KIAA2012: variants seen among roughly 807,000 people sequenced by gnomAD.
KIAA2012 encodes the protein KIAA2012.
In KIAA2012, 125 loss-of-function variants were observed where a neutral mutation model predicts 150.6. The observed-to-expected ratio is 0.83, with a 90% CI of 0.72 to 0.96. The LOEUF is 0.96. Among genes scored for constraint, KIAA2012 ranks in the 40% least tolerant of loss-of-function variants. KIAA2012 has a pLI of 0.00. For synonymous variants in KIAA2012, 462 were observed against 504.7 expected, an observed-to-expected ratio of 0.92 and a Z score of 1.13; for missense variants, 1,219 against 1,354.9, an observed-to-expected ratio of 0.90 and a Z score of 1.57.
chr2:202,168,894 A>G (rs752371360), intron 15 of KIAA2012, among the ~76,000 whole-genome samples: 3 of 152,198 alleles, frequency 2.0e-5, no homozygotes, highest in Non-Finnish European at 4.4e-5. Context: ...AGCCATTTCC[A>G]TCATTTCTGT....
chr2:202,202,832 A>G (rs1692555834), intron 23 of KIAA2012, among the ~76,000 whole-genome samples: 1 of 151,934 alleles, frequency 6.6e-6, no homozygotes, highest in Admixed American at 6.6e-5. Flanking sequence ...CAGGAGGCTG[A>G]AGGAGGATCA....
chr2:202,152,482 C>T (rs757003259), intron 13 of KIAA2012, among the ~76,000 whole-genome samples: 1 of 152,204 alleles, frequency 6.6e-6, no homozygotes, highest in Non-Finnish European at 1.5e-5. Context: ...GTTCTCCCAT[C>T]TAACACAAAA....
intron 12 of KIAA2012, among the ~76,000 whole-genome samples, chr2:202,127,092 T>C (rs1228652118): frequency 4.8e-5 from 7 of 144,484 alleles, no homozygotes; most frequent in South Asian, 2.3e-4. Flanking sequence ...AGAGATATCA[T>C]AGGGAGAAGA....
chr2:202,129,212 AG>A (rs1352434626), intron 12 of KIAA2012, among the ~76,000 whole-genome samples: 1 of 146,698 alleles, frequency 6.8e-6, no homozygotes, highest in East Asian at 2.1e-4. Flanking sequence ...CACCTATAGA[AG>A]TTTCACAATT....
At chr2:202,115,957 T>C (rs887924994) in intron 11 of KIAA2012, 1 of 152,006 alleles carries the variant, frequency 6.6e-6, no homozygotes, top group Non-Finnish European at 1.5e-5. Context: ...ATTTGACCCT[T>C]TTGGTCATGT....
chr2:202,134,803 C>T (rs1691027960), intron 12 of KIAA2012, among the ~76,000 whole-genome samples: 1 of 152,256 alleles, frequency 6.6e-6, no homozygotes, highest in African/African-American at 2.4e-5. Context: ...GATCCGCCCG[C>T]CTTGGCCTCC....
At chr2:202,120,820 CATA>C (rs1690637461) in intron 11 of KIAA2012, among the ~76,000 whole-genome samples, 1 of 152,176 alleles carries the variant, frequency 6.6e-6, no homozygotes, top group South Asian at 2.1e-4. Context: ...GAGTATTTCT[CATA>C]ATATTTACTG....
Position 202,073,418 on chromosome 2 carries a change from T to C in KIAA2012, c.-210T>C. ...GGAGGCTGGCTGTGCGGTTTATTTTTTCTCTCCACAAAGACACACACTGTC... is the reference window on the plus strand; with the variant it reads ...GGAGGCTGGCTGTGCGGTTTATTTTCTCTCTCCACAAAGACACACACTGTC... On this transcript the variant is annotated 5_prime_UTR_variant, in exon 1 of 24. Coordinates refer to ENST00000498697, the MANE Select transcript of KIAA2012 (RefSeq NM_001277372.4). 1 of 494,312 alleles carries C rather than the reference T, an allele frequency of 2.0e-6. No individual in the cohort carries two copies. The highest frequency in any genetic ancestry group is 3.6e-6 in the Non-Finnish European group (1 of 276,436). The allele number at this position is 494,312 out of a possible 1,614,324, so 30.6% of individuals were successfully genotyped here.
At chr2:202,086,208 A>G (rs532447516) in intron 2 of KIAA2012, among the ~76,000 whole-genome samples, 103 of 151,734 alleles carry the variant, frequency 6.8e-4, no homozygotes, top group African/African-American at 2.4e-3. Flanking sequence ...AAGAAAAAGA[A>G]ATGCCCACTA....
chr2:202,111,340 CAA>C (rs67625607), intron 10 of KIAA2012, among the ~76,000 whole-genome samples: 16 of 83,820 alleles, frequency 1.9e-4, no homozygotes, highest in South Asian at 4.0e-4. Flanking sequence ...ACTAAAAATA[CAA>C]AAAAAAAAAA....
rs1375997476 is a variant in KIAA2012, at chr2:202,162,924, G to A, written c.2047-2360G>A. On this transcript the variant is annotated intron_variant, in intron 14 of 23. Transcript: ENST00000498697. ...CAGCCTGGCAACAGAGCGAGACTCC[G>A]TCTCAAAAAAAAAAAAAAAAAAAGA... Among the ~76,000 whole-genome samples the A allele has an allele frequency of 6.7e-3, 632 of 94,310 alleles. 3 individuals are homozygous for A. Among genetic ancestry groups the A allele is most frequent in the African/African-American group, 0.028 (594 of 21,100 alleles). The allele number at this position is 94,310 out of a possible 152,430, so 61.9% of individuals were successfully genotyped here. A position where few individuals can be genotyped will look rare whatever the true frequency, so the allele number is the denominator to read the frequency against.
At chr2:202,134,178 C>T (rs1691014202) in intron 12 of KIAA2012, among the ~76,000 whole-genome samples, 1 of 152,208 alleles carries the variant, frequency 6.6e-6, no homozygotes, top group Non-Finnish European at 1.5e-5. Context: ...GATATATCCC[C>T]TCCATGGTGA....
chr2:202,095,257 T>C (rs1351496703), intron 4 of KIAA2012, among the ~76,000 whole-genome samples: 1 of 152,234 alleles, frequency 6.6e-6, no homozygotes, highest in East Asian at 1.9e-4. Context: ...GAACCCTGAC[T>C]GATGTTTTCA....
At chr2:202,163,248 TGCATGCC>T (rs1032226018) in intron 14 of KIAA2012, among the ~76,000 whole-genome samples, 24 of 151,564 alleles carry the variant, frequency 1.6e-4, no homozygotes, top group Admixed American at 1.1e-3. Flanking sequence ...GGATTGCAGG[TGCATGCC>T]ACCACGCCTG....
At chr2:202,134,444 G>A (rs567297828) in intron 12 of KIAA2012, among the ~76,000 whole-genome samples, 1 of 152,314 alleles carries the variant, frequency 6.6e-6, no homozygotes, top group Non-Finnish European at 1.5e-5. Flanking sequence ...CTAATAAGGT[G>A]ACTCTTTGGA....
At chr2:202,157,695 G>A (rs1691557341) in intron 14 of KIAA2012, among the ~76,000 whole-genome samples, 1 of 152,044 alleles carries the variant, frequency 6.6e-6, no homozygotes, top group African/African-American at 2.4e-5. Context: ...ATGTCACACA[G>A]TTGGTAAATG....
At chr2:202,173,353 T>C (rs1691932558) in intron 15 of KIAA2012, among the ~76,000 whole-genome samples, 1 of 152,186 alleles carries the variant, frequency 6.6e-6, no homozygotes, top group African/African-American at 2.4e-5. Context: ...GCGGATCACC[T>C]GAGGCTGGGA....
Position 202,165,323 on chromosome 2 carries a change from A to AGAC in KIAA2012, c.2087_2089dup (p.Arg696dup). On this transcript the variant is annotated inframe_insertion, in exon 15 of 24. Transcript: ENST00000498697. ...ACTGGACTATCAGGAAGAAGCAGGGAGACCCCTCAGAGAAACTCACCACAA... is the reference window on the plus strand; with the variant it reads ...ACTGGACTATCAGGAAGAAGCAGGGAGACGACCCCTCAGAGAAACTCACCACAA... 6.4e-7 allele frequency: 1 copy of AGAC among 1,550,428 alleles called. No individual in the cohort carries two copies. Among genetic ancestry groups the AGAC allele is most frequent in the Non-Finnish European group, 8.7e-7 (1 of 1,146,854 alleles).
At chr2:202,177,480 G>C (rs546341835) in intron 15 of KIAA2012, among the ~76,000 whole-genome samples, 1 of 152,310 alleles carries the variant, frequency 6.6e-6, no homozygotes, top group East Asian at 1.9e-4. Context: ...CCAAGATCAA[G>C]ATGCAGGTTT....
Sources: gnomAD v4.1 joint callset for allele counts (sites outside exome capture counted in the v4.1 genomes callset) on GRCh38, gnomAD v4.1.1 for gene constraint, MANE v1.5 for transcripts, NCBI Gene and HGNC (gene_info 2026-07-23, HGNC 2026-07-21) for gene names.